Variants in CHODL observed in about 807,000 individuals in gnomAD.
CHODL encodes the protein transmembrane protein MT75.
Under a neutral mutation model 34.5 loss-of-function variants are expected in CHODL, and 29 were observed. The observed-to-expected ratio is 0.84, with a 90% CI of 0.63 to 1.15. CHODL has a LOEUF of 1.15. CHODL is among the 50% of genes most tolerant of loss of function. CHODL has a pLI of 0.00. For synonymous variants in CHODL, 125 were observed against 116.1 expected (o/e 1.08, Z -0.49); for missense variants, 332 against 332.5 (o/e 1.00, Z 0.01).
At chr21:18,123,498 T>C (rs1276117190) in intron 2 of CHODL, among the ~76,000 whole-genome samples, 2 of 152,152 alleles carry the variant, frequency 1.3e-5, no homozygotes, top group Non-Finnish European at 2.9e-5. Context: ...CCTCATTGTT[T>C]TGGAGGCTGG....
chr21:17,933,186 A>G (rs769403399), intron 1 of CHODL, among the ~76,000 whole-genome samples: 23 of 152,188 alleles, frequency 1.5e-4, no homozygotes, highest in Non-Finnish European at 2.8e-4. Context: ...AGGGACGGGC[A>G]GGAGACAGAT....
chr21:18,009,411 A>G (rs561047048), intron 1 of CHODL, among the ~76,000 whole-genome samples: 2 of 152,284 alleles, frequency 1.3e-5, no homozygotes, highest in East Asian at 1.9e-4. Flanking sequence ...TGGTTAATAT[A>G]TGCCTAGTGA....
chr21:18,157,350 A>G (rs531441737), intron 2 of CHODL, among the ~76,000 whole-genome samples: 9 of 152,370 alleles, frequency 5.9e-5, no homozygotes, highest in East Asian at 1.9e-4. Context: ...CTTGGTAACT[A>G]TACAGAAAAA....
At chr21:18,111,059 T>A (rs2065344977) in intron 2 of CHODL, among the ~76,000 whole-genome samples, 1 of 152,212 alleles carries the variant, frequency 6.6e-6, no homozygotes, top group African/African-American at 2.4e-5. Flanking sequence ...TAGAGTGTAA[T>A]ATTCTAGAAT....
intron 2 of CHODL, among the ~76,000 whole-genome samples, chr21:18,074,515 A>T (rs757286277): frequency 1.3e-5 from 2 of 152,164 alleles, no homozygotes; most frequent in Non-Finnish European, 2.9e-5. Flanking sequence ...AGAATAGATG[A>T]TATAGAGAGG....
chr21:18,085,736 GATTTCCT>G (rs2064998006), intron 2 of CHODL, among the ~76,000 whole-genome samples: 1 of 151,986 alleles, frequency 6.6e-6, no homozygotes, highest in African/African-American at 2.4e-5. Flanking sequence ...AGTCTGATGG[GATTTCCT>G]TTATAGGTGA....
chr21:18,076,111 G>T (rs1311348502), intron 2 of CHODL, among the ~76,000 whole-genome samples: 2 of 152,142 alleles, frequency 1.3e-5, no homozygotes, highest in Non-Finnish European at 2.9e-5. Flanking sequence ...CTAAGACAGA[G>T]AACTGGTACC....
intron 2 of CHODL, among the ~76,000 whole-genome samples, chr21:18,132,389 A>G (rs1296967106): frequency 1.3e-5 from 2 of 152,218 alleles, no homozygotes; most frequent in Non-Finnish European, 2.9e-5. Context: ...ATGGGAAAAC[A>G]TAAGAAAAAT....
At chr21:18,053,380 C>G (rs2064540279) in intron 2 of CHODL, among the ~76,000 whole-genome samples, 1 of 151,882 alleles carries the variant, frequency 6.6e-6, no homozygotes, top group South Asian at 2.1e-4. Flanking sequence ...CCTCAGAAGA[C>G]ATTTTGTTGC....
intron 2 of CHODL, among the ~76,000 whole-genome samples, chr21:18,169,094 G>A (rs931281392): frequency 9.9e-5 from 15 of 152,036 alleles, no homozygotes; most frequent in Admixed American, 9.2e-4. Context: ...GTGAAGAATT[G>A]GTCTTACTTC....
intron 1 of CHODL, among the ~76,000 whole-genome samples, chr21:17,993,222 A>T (rs2063815346): frequency 6.6e-6 from 1 of 151,930 alleles, no homozygotes; most frequent in African/African-American, 2.4e-5. Flanking sequence ...TCTTTTTTAA[A>T]ATTTAAATTT....
chr21:18,191,600 T>C (rs1404082524), intron 2 of CHODL, among the ~76,000 whole-genome samples: 1 of 152,214 alleles, frequency 6.6e-6, no homozygotes, highest in Non-Finnish European at 1.5e-5. Context: ...TATGTCATCT[T>C]TGGAAAAATG....
intron 2 of CHODL, among the ~76,000 whole-genome samples, chr21:18,145,233 G>C (rs367822181): frequency 1.1e-4 from 14 of 121,950 alleles, no homozygotes; most frequent in Admixed American, 5.3e-4. Flanking sequence ...TCAGGAGATC[G>C]AGACCATCCT....
At chr21:17,947,697 A>G (rs1266062017) in intron 1 of CHODL, among the ~76,000 whole-genome samples, 1 of 152,108 alleles carries the variant, frequency 6.6e-6, no homozygotes, top group East Asian at 1.9e-4. Flanking sequence ...AAAAAGAGAA[A>G]GTTTATACAC....
intron 3 of CHODL, among the ~76,000 whole-genome samples, chr21:18,259,471 G>A (rs370251392): frequency 2.0e-5 from 3 of 152,118 alleles, no homozygotes; most frequent in African/African-American, 7.2e-5. Context: ...CATGGCACAC[G>A]TTTACCCACG....
chr21:18,251,092 C>T (rs115151616), intron 1 of CHODL, among the ~76,000 whole-genome samples: 2,155 of 151,494 alleles, frequency 0.014, 62 homozygotes, highest in African/African-American at 0.048. Flanking sequence ...CCTTTCTGCT[C>T]AGAAAGAAAA....
chr21:18,052,151 G>T (rs530159363), intron 2 of CHODL, among the ~76,000 whole-genome samples: 1 of 151,894 alleles, frequency 6.6e-6, no homozygotes, highest in Non-Finnish European at 1.5e-5. Flanking sequence ...AAATAGATCC[G>T]GAGAAATCTT....
intron 2 of CHODL, among the ~76,000 whole-genome samples, chr21:18,092,789 G>A (rs2065089681): frequency 1.3e-5 from 2 of 152,104 alleles, no homozygotes; most frequent in African/African-American, 4.8e-5. Flanking sequence ...AAAGAAAAAA[G>A]AATACAAAAC....
chr21:18,156,392 A>G (rs562963419), intron 2 of CHODL, among the ~76,000 whole-genome samples: 1 of 152,278 alleles, frequency 6.6e-6, no homozygotes, highest in Admixed American at 6.5e-5. Flanking sequence ...GCCCAGCCCA[A>G]TGTCGTGAAG....
Sources: allele counts gnomAD v4.1 joint callset (sites outside exome capture counted in the v4.1 genomes callset), GRCh38; gene constraint gnomAD v4.1.1; transcripts MANE v1.5; gene names NCBI Gene and HGNC (gene_info 2026-07-23, HGNC 2026-07-21).